STK32A: variants seen among roughly 807,000 people sequenced by gnomAD.
STK32A encodes serine/threonine kinase 32A.
A neutral mutation model predicts 53.2 loss-of-function variants in STK32A; 41 were observed. The ratio of observed to expected loss-of-function variants is 0.77; its 90% CI spans 0.60 to 1.00. The LOEUF (loss-of-function observed/expected upper bound fraction) is 1.00. Ranked by LOEUF, STK32A falls within the 50% of genes least tolerant of loss-of-function variation. The probability of loss-of-function intolerance (pLI) is 0.00; values close to 1 mark genes in which losing one functional copy is unlikely to be tolerated. For missense variants in STK32A, 458 were observed against 485.8 expected (o/e 0.94, Z 0.54); for synonymous variants, 166 against 162.8 (o/e 1.02, Z -0.15).
At chr5:147,295,594 TTAAG>T (rs1349887391) in intron 4 of STK32A, among the ~76,000 whole-genome samples, 2 of 152,370 alleles carry the variant, frequency 1.3e-5, no homozygotes, top group East Asian at 1.9e-4. Flanking sequence ...GATAAAATAT[TTAAG>T]TGTTTCCTTT....
chr5:147,241,379 T>TGAGGCAGGAGAATGGCGGGAACCC (rs1244229445), intron 2 of STK32A, among the ~76,000 whole-genome samples: 4 of 152,104 alleles, frequency 2.6e-5, no homozygotes, highest in African/African-American at 9.7e-5. Context: ...CTCGGGAGGC[T>TGAGGCAGGAGAATGGCGGGAACCC]GAGGCAGGAG....
rs1052652038 is a variant in STK32A, at chr5:147,239,598, G to A, written c.-37G>A. ...GAAGATGGGTGTTTCTGCCCGGATAGTATAAATCGAGGATCCAGGTCTGGG... is the reference window on the plus strand; with the variant it reads ...GAAGATGGGTGTTTCTGCCCGGATAATATAAATCGAGGATCCAGGTCTGGG... On this transcript the variant is annotated 5_prime_UTR_variant, in exon 2 of 13. Transcript: ENST00000397936. The A allele has an allele frequency of 6.4e-7, 1 of 1,551,150 alleles. No homozygotes were observed. Among genetic ancestry groups the A allele is most frequent in the Non-Finnish European group, 8.8e-7 (1 of 1,134,688 alleles).
At chr5:147,336,912 A>G (rs1755159576) in intron 5 of STK32A, among the ~76,000 whole-genome samples, 1 of 152,188 alleles carries the variant, frequency 6.6e-6, no homozygotes, top group South Asian at 2.1e-4. Flanking sequence ...CAAACTATGG[A>G]CCATCAAAAG....
At chr5:147,248,504 A>T (rs1310150348) in intron 2 of STK32A, among the ~76,000 whole-genome samples, 2 of 152,236 alleles carry the variant, frequency 1.3e-5, no homozygotes, top group East Asian at 3.8e-4. Flanking sequence ...CCTGTAACGC[A>T]TTTAAAATAT....
At chr5:147,393,866 G>C in the STK32A span, 1 of 689,368 alleles carries the variant, frequency 1.5e-6, no homozygotes. Flanking sequence ...AGCAATATTC[G>C]TAAAGCTAGG....
chr5:147,342,604 A>G (rs1755483822), intron 5 of STK32A: 1 of 170,726 alleles, frequency 5.9e-6, no homozygotes, highest in South Asian at 1.7e-4. Flanking sequence ...TCATCTGTGC[A>G]ATTCTAGAGT....
chr5:147,269,485 G>A lies in STK32A; in HGVS notation c.53-8639G>A, dbSNP rs183971186. Among the ~76,000 whole-genome samples, 183 of 152,338 alleles carry A rather than the reference G, an allele frequency of 1.2e-3. 1 individual carries two copies. Among genetic ancestry groups the A allele is most frequent in the African/African-American group, 4.2e-3 (173 of 41,572 alleles). ...GGACTGGAAAGCAGAAGCCAGACGT[G>A]TGGGCAACCAAACTGTAACTGTTTC... On this transcript the variant is annotated intron_variant, in intron 2 of 12. Transcript: ENST00000397936.
At chr5:147,349,017 A>G (rs1018988325) in intron 6 of STK32A, among the ~76,000 whole-genome samples, 1 of 152,204 alleles carries the variant, frequency 6.6e-6, no homozygotes, top group South Asian at 2.1e-4. Flanking sequence ...GCTCTTCACC[A>G]CAGTCTCCAG....
At chr5:147,379,536 A>G (rs1274829785) in intron 11 of STK32A, among the ~76,000 whole-genome samples, 1 of 151,970 alleles carries the variant, frequency 6.6e-6, no homozygotes, top group Non-Finnish European at 1.5e-5. Context: ...TTTCCATTGC[A>G]CTTCCTGACT....
intron 5 of STK32A, among the ~76,000 whole-genome samples, chr5:147,325,515 T>A (rs1416209893): frequency 6.6e-6 from 1 of 152,200 alleles, no homozygotes; most frequent in Non-Finnish European, 1.5e-5. Flanking sequence ...ATTTATAGAT[T>A]CTCTGTGCAG....
intron 8 of STK32A, among the ~76,000 whole-genome samples, chr5:147,366,477 A>G (rs994261264): frequency 6.6e-6 from 1 of 152,150 alleles, no homozygotes; most frequent in Admixed American, 6.6e-5. Flanking sequence ...GTTTTTCTAG[A>G]TCTCTTTATA....
At chr5:147,315,733 G>A (rs1753961954) in intron 4 of STK32A, among the ~76,000 whole-genome samples, 1 of 152,100 alleles carries the variant, frequency 6.6e-6, no homozygotes, top group Non-Finnish European at 1.5e-5. Flanking sequence ...TATATGATAT[G>A]TATATTTTAC....
At chr5:147,398,864 C>T in the STK32A span, among the ~76,000 whole-genome samples, 1 of 152,204 alleles carries the variant, frequency 6.6e-6, no homozygotes, top group Non-Finnish European at 1.5e-5. Context: ...CTCTATTGGC[C>T]TCTGTCCCTG....
chr5:147,387,949 G>A (rs1349509997), downstream of STK32A: 11 of 152,142 alleles, frequency 7.2e-5, no homozygotes, highest in Admixed American at 3.3e-4. Flanking sequence ...AAAGTAACCC[G>A]TTCTTATGTC....
intron 4 of STK32A, among the ~76,000 whole-genome samples, chr5:147,290,979 C>G (rs1296099029): frequency 6.6e-6 from 1 of 152,080 alleles, no homozygotes; most frequent in African/African-American, 2.4e-5. Flanking sequence ...ATGGACTATA[C>G]ATTATTCTTT....
intron 4 of STK32A, among the ~76,000 whole-genome samples, chr5:147,284,709 A>C (rs532696653): frequency 3.2e-5 from 3 of 93,632 alleles, no homozygotes; most frequent in African/African-American, 5.2e-5. Flanking sequence ...AAAAACAACA[A>C]AAAAAAAACA....
chr5:147,246,846 G>A (rs1412347556), intron 2 of STK32A, among the ~76,000 whole-genome samples: 2 of 152,200 alleles, frequency 1.3e-5, no homozygotes, highest in Non-Finnish European at 2.9e-5. Flanking sequence ...ACACAAGATA[G>A]CTCAGTTTAA....
chr5:147,366,496 C>A (rs1756752101), intron 8 of STK32A, among the ~76,000 whole-genome samples: 1 of 152,116 alleles, frequency 6.6e-6, no homozygotes, highest in African/African-American at 2.4e-5. Flanking sequence ...TATTCAAATT[C>A]TATTCATACT....
chr5:147,360,493 AAG>A (rs1756457425), intron 7 of STK32A, among the ~76,000 whole-genome samples: 1 of 151,622 alleles, frequency 6.6e-6, no homozygotes, highest in Non-Finnish European at 1.5e-5. Context: ...GAAAGAAAGA[AAG>A]AAAAAAAAGG....
Sources: gnomAD v4.1 joint callset for allele counts (sites outside exome capture counted in the v4.1 genomes callset) on GRCh38, gnomAD v4.1.1 for gene constraint, MANE v1.5 for transcripts, NCBI Gene and HGNC (gene_info 2026-07-23, HGNC 2026-07-21) for gene names.